PKNOX2: variants seen among roughly 807,000 people sequenced by gnomAD.
PKNOX2 encodes PBX/knotted 1 homeobox 2.
A neutral mutation model predicts 53.1 loss-of-function variants in PKNOX2; 14 were observed. The observed-to-expected ratio is 0.26, with a 90% CI of 0.17 to 0.41. PKNOX2 has a LOEUF of 0.41. Ranked by LOEUF, PKNOX2 falls within the 10% of genes least tolerant of loss-of-function variation. The pLI, the probability that PKNOX2 is intolerant of heterozygous loss-of-function variation, is 1.00. For missense variants in PKNOX2, 496 were observed against 602.8 expected (o/e 0.82, Z 1.85); for synonymous variants, 257 against 242.8 (o/e 1.06, Z -0.54).
intron 1 of PKNOX2, among the ~76,000 whole-genome samples, chr11:125,217,178 A>T (rs1487418010): frequency 1.3e-5 from 2 of 152,112 alleles, no homozygotes; most frequent in East Asian, 3.9e-4. Context: ...CGCTGGTGAT[A>T]TGAGAGAAGC....
chr11:125,317,460 G>C (rs1949268227), intron 2 of PKNOX2, among the ~76,000 whole-genome samples: 1 of 152,214 alleles, frequency 6.6e-6, no homozygotes, highest in Non-Finnish European at 1.5e-5. Flanking sequence ...AGACATGAAA[G>C]TCAAAAGTAT....
At chr11:125,385,058 G>A (rs528915346) in intron 5 of PKNOX2, among the ~76,000 whole-genome samples, 6 of 152,276 alleles carry the variant, frequency 3.9e-5, no homozygotes, top group East Asian at 3.9e-4. Context: ...TCAGGCTCAC[G>A]TATGTCTCCT....
At chr11:125,250,775 G>A (rs1030194841) in intron 2 of PKNOX2, among the ~76,000 whole-genome samples, 5 of 152,214 alleles carry the variant, frequency 3.3e-5, no homozygotes, top group African/African-American at 1.2e-4. Context: ...ACACAACATA[G>A]ATGGAGCACT....
intron 2 of PKNOX2, among the ~76,000 whole-genome samples, chr11:125,242,023 A>G (rs1202199659): frequency 1.3e-5 from 2 of 151,292 alleles, no homozygotes; most frequent in Non-Finnish European, 2.9e-5. Context: ...GGCGGGGAGC[A>G]GGAGACTGAT....
intron 6 of PKNOX2, among the ~76,000 whole-genome samples, chr11:125,387,482 A>T (rs776343399): frequency 6.6e-6 from 1 of 152,134 alleles, no homozygotes; most frequent in South Asian, 2.1e-4. Flanking sequence ...CTCCCATCCT[A>T]GCTCAGCCTG....
chr11:125,290,640 C>A (rs1216506883), intron 2 of PKNOX2, among the ~76,000 whole-genome samples: 1 of 152,192 alleles, frequency 6.6e-6, no homozygotes, highest in Non-Finnish European at 1.5e-5. Context: ...GCTGTTCATT[C>A]ATTCTTTAGT....
chr11:125,282,075 C>T (rs556131999), intron 2 of PKNOX2, among the ~76,000 whole-genome samples: 13 of 152,184 alleles, frequency 8.5e-5, no homozygotes, highest in African/African-American at 2.9e-4. Context: ...TTAGCCATGC[C>T]GCTTTTCTTC....
chr11:125,211,694 G>A (rs933724412), intron 1 of PKNOX2, among the ~76,000 whole-genome samples: 3 of 152,062 alleles, frequency 2.0e-5, no homozygotes, highest in Non-Finnish European at 2.9e-5. Flanking sequence ...GGGTGGAGCC[G>A]GCTGCTCGGG....
intron 2 of PKNOX2, among the ~76,000 whole-genome samples, chr11:125,273,639 A>T (rs1386732751): frequency 6.6e-6 from 1 of 152,108 alleles, no homozygotes; most frequent in Non-Finnish European, 1.5e-5. Context: ...TTGCCTTCCT[A>T]GGAGTTAGGA....
chr11:125,246,676 C>T (rs1275535310), intron 2 of PKNOX2, among the ~76,000 whole-genome samples: 4 of 152,198 alleles, frequency 2.6e-5, no homozygotes, highest in Admixed American at 2.0e-4. Flanking sequence ...ATAATGATCT[C>T]ACCCCACAGG....
chr11:125,256,413 C>T (rs893333006), intron 2 of PKNOX2, among the ~76,000 whole-genome samples: 1 of 152,164 alleles, frequency 6.6e-6, no homozygotes, highest in Non-Finnish European at 1.5e-5. Flanking sequence ...GACTGTTCCC[C>T]ACCACCCTAA....
At chr11:125,314,394 C>T (rs913885994) in intron 2 of PKNOX2, among the ~76,000 whole-genome samples, 7 of 152,124 alleles carry the variant, frequency 4.6e-5, no homozygotes, top group African/African-American at 1.7e-4. Flanking sequence ...GAGGGGAGAC[C>T]TTGCTCAGAA....
intron 2 of PKNOX2, among the ~76,000 whole-genome samples, chr11:125,313,925 T>C (rs1948986164): frequency 6.6e-6 from 1 of 152,176 alleles, no homozygotes. Flanking sequence ...ATGTTAGTAC[T>C]TACCGCACAG....
At chr11:125,383,875 G>A (rs969629095) in intron 5 of PKNOX2, among the ~76,000 whole-genome samples, 2 of 152,038 alleles carry the variant, frequency 1.3e-5, no homozygotes, top group African/African-American at 4.8e-5. Flanking sequence ...GAAGCATGGG[G>A]GCCAGGTCCA....
intron 1 of PKNOX2, among the ~76,000 whole-genome samples, chr11:125,234,318 C>T (rs1942486367): frequency 6.6e-6 from 1 of 152,218 alleles, no homozygotes. Context: ...AATGTGGAGG[C>T]AGTGCTTTTA....
chr11:125,404,324 C>T (rs185465882), intron 7 of PKNOX2, among the ~76,000 whole-genome samples: 1 of 152,286 alleles, frequency 6.6e-6, no homozygotes, highest in Non-Finnish European at 1.5e-5. Context: ...GAGCGCTTCT[C>T]CCGCCTGAGA....
At chr11:125,406,588 A>G (rs1335771273) in intron 7 of PKNOX2, among the ~76,000 whole-genome samples, 1 of 152,156 alleles carries the variant, frequency 6.6e-6, no homozygotes, top group Non-Finnish European at 1.5e-5. Flanking sequence ...CTGTGCTTGC[A>G]TTGGAGCCTG....
chr11:125,368,712 T>G (rs1031131409), intron 5 of PKNOX2, among the ~76,000 whole-genome samples: 2 of 152,228 alleles, frequency 1.3e-5, no homozygotes, highest in African/African-American at 4.8e-5. Flanking sequence ...TCTTGAATGT[T>G]GCAGAGGGTG....
At chr11:125,311,844 T>G (rs1478046268) in intron 2 of PKNOX2, among the ~76,000 whole-genome samples, 1 of 152,168 alleles carries the variant, frequency 6.6e-6, no homozygotes, top group Non-Finnish European at 1.5e-5. Flanking sequence ...AAAAAAACAT[T>G]TTTTAAAAAA....
Sources: allele counts gnomAD v4.1 joint callset (sites outside exome capture counted in the v4.1 genomes callset), GRCh38; gene constraint gnomAD v4.1.1; transcripts MANE v1.5; gene names NCBI Gene and HGNC (gene_info 2026-07-23, HGNC 2026-07-21).